The following PCDH9 variants were observed in gnomAD, a reference collection of about 807,000 sequenced individuals.
PCDH9 encodes protocadherin-9.
PCDH9 carries 24 observed loss-of-function variants against 70.6 expected under a neutral mutation model. The observed-to-expected ratio is 0.34, with a 90% CI of 0.25 to 0.48. The LOEUF (loss-of-function observed/expected upper bound fraction) is 0.48. Ranked by LOEUF, PCDH9 falls within the 20% of genes least tolerant of loss-of-function variation. The probability of loss-of-function intolerance (pLI) is 0.99; values close to 1 mark genes in which losing one functional copy is unlikely to be tolerated. For missense variants in PCDH9, 1,281 were observed against 1,503.6 expected, an observed-to-expected ratio of 0.85 and a Z score of 2.45; for synonymous variants, 562 against 558.5, an observed-to-expected ratio of 1.01 and a Z score of -0.09.
chr13:66,756,876 C>A (rs896822984), intron 3 of PCDH9, among the ~76,000 whole-genome samples: 3 of 152,136 alleles, frequency 2.0e-5, no homozygotes, highest in East Asian at 3.8e-4. Flanking sequence ...AGCTCCATCA[C>A]CCAGGCTGGA....
intron 4 of PCDH9, among the ~76,000 whole-genome samples, chr13:66,536,737 C>T (rs969696643): frequency 2.6e-5 from 4 of 152,018 alleles, no homozygotes; most frequent in African/African-American, 9.7e-5. Flanking sequence ...GAATACAGTA[C>T]TGATTTCAAG....
intron 3 of PCDH9, among the ~76,000 whole-genome samples, chr13:66,869,551 T>C (rs189266671): frequency 6.6e-6 from 1 of 152,180 alleles, no homozygotes; most frequent in Non-Finnish European, 1.5e-5. Context: ...GTTTCCCATC[T>C]TTCTTTTTTG....
intron 2 of PCDH9, among the ~76,000 whole-genome samples, chr13:67,189,089 T>C (rs561588600): frequency 1.2e-4 from 18 of 151,964 alleles, no homozygotes; most frequent in African/African-American, 4.1e-4. Context: ...TAGTCTCCAA[T>C]CCCATCCAGG....
chr13:66,983,138 G>C (rs1196276933), intron 2 of PCDH9, among the ~76,000 whole-genome samples: 1 of 152,154 alleles, frequency 6.6e-6, no homozygotes, highest in Non-Finnish European at 1.5e-5. Flanking sequence ...TAAGTGATAA[G>C]TTGATCTGTG....
chr13:67,099,430 A>G (rs1355120092), intron 2 of PCDH9, among the ~76,000 whole-genome samples: 1 of 152,188 alleles, frequency 6.6e-6, no homozygotes, highest in Non-Finnish European at 1.5e-5. Context: ...GACTTCCAAT[A>G]TTAACTTTTT....
chr13:66,338,131 T>G (rs1956066795), intron 4 of PCDH9, among the ~76,000 whole-genome samples: 4 of 152,124 alleles, frequency 2.6e-5, no homozygotes, highest in Admixed American at 2.6e-4. Context: ...CTCTCAAAAT[T>G]GCAAAGCTTC....
intron 3 of PCDH9, among the ~76,000 whole-genome samples, chr13:66,870,462 G>A (rs1327145152): frequency 6.6e-6 from 1 of 152,110 alleles, no homozygotes; most frequent in Non-Finnish European, 1.5e-5. Flanking sequence ...CCTACAAAAT[G>A]GGAGAAAATT....
At chr13:67,184,081 A>G (rs1295599999) in intron 2 of PCDH9, among the ~76,000 whole-genome samples, 2 of 152,172 alleles carry the variant, frequency 1.3e-5, no homozygotes, top group Non-Finnish European at 2.9e-5. Context: ...TTTGCGGTAT[A>G]AATTTTCTAT....
At chr13:66,399,874 A>G (rs1284570949) in intron 4 of PCDH9, among the ~76,000 whole-genome samples, 3 of 152,178 alleles carry the variant, frequency 2.0e-5, no homozygotes, top group South Asian at 2.1e-4. Context: ...CTGTTTATAT[A>G]TACAAAATAT....
intron 3 of PCDH9, among the ~76,000 whole-genome samples, chr13:66,836,779 C>T (rs1238807852): frequency 6.6e-6 from 1 of 152,104 alleles, no homozygotes; most frequent in African/African-American, 2.4e-5. Flanking sequence ...ATGTTACAAT[C>T]GGTGGGTAAA....
intron 4 of PCDH9, among the ~76,000 whole-genome samples, chr13:66,402,395 A>G (rs1957203936): frequency 6.6e-6 from 1 of 152,128 alleles, no homozygotes; most frequent in Non-Finnish European, 1.5e-5. Context: ...AAAAGCTTGC[A>G]TAAGAAATAT....
At chr13:66,530,828 A>G (rs1960418825) in intron 4 of PCDH9, among the ~76,000 whole-genome samples, 2 of 152,066 alleles carry the variant, frequency 1.3e-5, no homozygotes, top group South Asian at 4.2e-4. Context: ...TGGGGAGAAC[A>G]CTAACTGCTG....
chr13:66,410,970 A>G (rs1957359622), intron 4 of PCDH9, among the ~76,000 whole-genome samples: 1 of 152,234 alleles, frequency 6.6e-6, no homozygotes, highest in South Asian at 2.1e-4. Flanking sequence ...AGAATTCTCT[A>G]AGCAAATTCA....
At chr13:67,120,935 A>T (rs980635795) in intron 2 of PCDH9, among the ~76,000 whole-genome samples, 1 of 152,098 alleles carries the variant, frequency 6.6e-6, no homozygotes, top group Non-Finnish European at 1.5e-5. Flanking sequence ...GACAGAAAAA[A>T]AAAAAACTAA....
At chr13:66,971,925 A>G (rs2139749151) in intron 2 of PCDH9, among the ~76,000 whole-genome samples, 1 of 152,068 alleles carries the variant, frequency 6.6e-6, no homozygotes, top group South Asian at 2.1e-4. Flanking sequence ...TACCATATGG[A>G]AGGATAATAT....
chr13:67,209,331 A>G (rs1321111569), intron 2 of PCDH9: 1 of 152,128 alleles, frequency 6.6e-6, no homozygotes, highest in East Asian at 1.9e-4. Flanking sequence ...AGTGTTTAGA[A>G]CATTTTAAGG....
At chr13:66,374,502 T>G (rs1249348762) in intron 4 of PCDH9, among the ~76,000 whole-genome samples, 1 of 152,054 alleles carries the variant, frequency 6.6e-6, no homozygotes, top group African/African-American at 2.4e-5. Context: ...AGCTTGGTAC[T>G]CTACACGTTA....
chr13:66,391,827 A>G (rs1957022956), intron 4 of PCDH9, among the ~76,000 whole-genome samples: 1 of 151,024 alleles, frequency 6.6e-6, no homozygotes, highest in Non-Finnish European at 1.5e-5. Flanking sequence ...TCTAATGTAC[A>G]ATTTGTGGTA....
chr13:66,326,397 T>TAA (rs372315902), intron 4 of PCDH9, among the ~76,000 whole-genome samples: 3,435 of 119,706 alleles, frequency 0.029, 156 homozygotes, highest in African/African-American at 0.097. Context: ...CTTCTTCTTC[T>TAA]AAAAAAAAAA....
Sources: allele counts gnomAD v4.1 joint callset (sites outside exome capture counted in the v4.1 genomes callset), GRCh38; gene constraint gnomAD v4.1.1; transcripts MANE v1.5; gene names NCBI Gene and HGNC (gene_info 2026-07-23, HGNC 2026-07-21).